AK5: variants seen among roughly 807,000 people sequenced by gnomAD.
The protein encoded by AK5 is adenylate kinase 5, also known as adenylate kinase isoenzyme 5.
A neutral mutation model predicts 69.5 loss-of-function variants in AK5; 27 were observed. The ratio of observed to expected loss-of-function variants is 0.39; its 90% CI spans 0.29 to 0.54. The LOEUF is 0.54. AK5 is among the 20% of genes least tolerant of loss of function. The probability of loss-of-function intolerance (pLI) is 0.71; values close to 1 mark genes in which losing one functional copy is unlikely to be tolerated. For synonymous variants in AK5, 260 were observed against 244.4 expected, an observed-to-expected ratio of 1.06 and a Z score of -0.60; for missense variants, 531 against 700.4, an observed-to-expected ratio of 0.76 and a Z score of 2.73.
intron 2 of AK5, among the ~76,000 whole-genome samples, chr1:77,291,424 A>G (rs543352480): frequency 4.8e-4 from 73 of 152,164 alleles, no homozygotes; most frequent in Non-Finnish European, 5.9e-5. Context: ...CCCTGCTCCA[A>G]TTCATTCTAA....
chr1:77,293,746 T>G (rs537405320), intron 2 of AK5, 47 bp from the exon 3 acceptor site: 1 of 1,504,466 alleles, frequency 6.6e-7, no homozygotes, highest in African/African-American at 1.4e-5. Flanking sequence ...GAAGAGTGTT[T>G]TATTATGGTG....
At chr1:77,295,265 T>C (rs1658927487) in intron 3 of AK5, among the ~76,000 whole-genome samples, 1 of 152,160 alleles carries the variant, frequency 6.6e-6, no homozygotes, top group Non-Finnish European at 1.5e-5. Flanking sequence ...TCAGAGGACA[T>C]AGCAATGTTG....
At chr1:77,396,153 A>G (rs1258207307) in intron 6 of AK5, among the ~76,000 whole-genome samples, 1 of 152,258 alleles carries the variant, frequency 6.6e-6, no homozygotes, top group Non-Finnish European at 1.5e-5. Flanking sequence ...TGGAAGAATA[A>G]GAAGAGTAAC....
chr1:77,493,040 G>A (rs1018891309), intron 10 of AK5, among the ~76,000 whole-genome samples: 1 of 152,218 alleles, frequency 6.6e-6, no homozygotes, highest in African/African-American at 2.4e-5. Flanking sequence ...CAGCTCATGA[G>A]CTAGGGGCAG....
At chr1:77,370,059 T>C (rs1647090985) in intron 6 of AK5, among the ~76,000 whole-genome samples, 1 of 152,176 alleles carries the variant, frequency 6.6e-6, no homozygotes. Context: ...GGGAGGAACT[T>C]TTCCCCGCAG....
chr1:77,415,914 T>C (rs1448014368), intron 7 of AK5, among the ~76,000 whole-genome samples: 1 of 152,204 alleles, frequency 6.6e-6, no homozygotes, highest in African/African-American at 2.4e-5. Flanking sequence ...CTCATTTTCC[T>C]CTTTTCTAAA....
At chr1:77,418,901 G>C (rs1054752477) in intron 8 of AK5, among the ~76,000 whole-genome samples, 1 of 152,168 alleles carries the variant, frequency 6.6e-6, no homozygotes, top group Non-Finnish European at 1.5e-5. Context: ...ATGTTGGCAA[G>C]TGCTATAATA....
chr1:77,465,559 T>C (rs1475647465), intron 8 of AK5, among the ~76,000 whole-genome samples: 1 of 152,186 alleles, frequency 6.6e-6, no homozygotes, highest in Non-Finnish European at 1.5e-5. Context: ...ATGCTAGAGT[T>C]GTTGTTCATG....
chr1:77,286,851 A>C (rs1658381278), intron 1 of AK5, 90 bp from the exon 2 acceptor site: 13 of 884,398 alleles, frequency 1.5e-5, no homozygotes, highest in Non-Finnish European at 1.8e-5. Context: ...TATTTCAAAA[A>C]AATTAATTAA....
chr1:77,369,725 C>A (rs1195288152), intron 6 of AK5, among the ~76,000 whole-genome samples: 1 of 152,030 alleles, frequency 6.6e-6, no homozygotes, highest in Non-Finnish European at 1.5e-5. Context: ...ATTAGAATTA[C>A]TTGTATTATA....
intron 6 of AK5, among the ~76,000 whole-genome samples, chr1:77,344,003 T>G (rs1269826923): frequency 6.6e-6 from 1 of 152,246 alleles, no homozygotes; most frequent in African/African-American, 2.4e-5. Context: ...TTTGACTCAG[T>G]GTCTTCTTTA....
chr1:77,379,880 G>C (rs970898107), intron 6 of AK5, among the ~76,000 whole-genome samples: 1 of 152,004 alleles, frequency 6.6e-6, no homozygotes. Flanking sequence ...TATACATTTC[G>C]TAAAGGTCTT....
chr1:77,415,781 G>A (rs1406035611), intron 7 of AK5, among the ~76,000 whole-genome samples: 3 of 152,180 alleles, frequency 2.0e-5, no homozygotes, highest in African/African-American at 7.2e-5. Context: ...CATTTCGATT[G>A]CCCTTGCTTA....
Position 77,287,113 on chromosome 1 carries a change from C to A in AK5, c.233C>A (p.Ser78Tyr). The A allele has an allele frequency of 1.3e-6, 2 of 1,562,672 alleles. No homozygotes were observed. Among genetic ancestry groups the A allele is most frequent in the Admixed American group, 1.9e-5 (1 of 53,210 alleles). The stretch of plus-strand genomic sequence containing the variant: ...CTAAATGGAGGACAGTCACGGAGAT[C>A]CTTTCTAAGAAATGGTAATGTATAT... ...PPLNGGQSRR[S>Y]FLRNVMPENS... is the part of the protein sequence containing the mutation. Residue 78 changes from serine (S) to tyrosine (Y), a missense_variant, in exon 2 of 14, where the codon TCC becomes TAC. Ser to Tyr is a moderately radical substitution (Grantham distance 144, BLOSUM62 -2). Transcript: ENST00000354567.
Position 77,306,499 on chromosome 1 carries a change from T to G in AK5, c.699+8552T>G, listed in dbSNP as rs568831882. Among the ~76,000 whole-genome samples the G allele has an allele frequency of 8.2e-3, 1,117 of 137,054 alleles. 10 individuals carry two copies. The highest frequency in any genetic ancestry group is 0.013 in the Non-Finnish European group (779 of 60,418). 89.9% of individuals were successfully genotyped at this position (137,054 alleles called of 152,430 possible). A position where few individuals can be genotyped will look rare whatever the true frequency, so the allele number is the denominator to read the frequency against. On this transcript the variant is annotated intron_variant, in intron 5 of 13. Transcript: ENST00000354567. ...AATTTGCTAGGTTTTTTTTTGTTTT[T>G]TTTTTTTTTTTTGAGGATTTTTGCA...
At chr1:77,401,774 C>A (rs367979699) in intron 6 of AK5, among the ~76,000 whole-genome samples, 10 of 152,322 alleles carry the variant, frequency 6.6e-5, no homozygotes, top group Middle Eastern at 6.8e-3. Flanking sequence ...GTGCATAATT[C>A]TCCTCCCTCT....
chr1:77,360,495 G>A (rs1037293932), intron 6 of AK5, among the ~76,000 whole-genome samples: 1 of 152,022 alleles, frequency 6.6e-6, no homozygotes, highest in African/African-American at 2.4e-5. Flanking sequence ...AGAGAAGTTA[G>A]GGGGGGTGGA....
At chr1:77,386,116 G>C (rs1378134200) in intron 6 of AK5, among the ~76,000 whole-genome samples, 1 of 152,116 alleles carries the variant, frequency 6.6e-6, no homozygotes, top group Non-Finnish European at 1.5e-5. Context: ...TAGTATAATA[G>C]TTGTGTTCCT....
At position 77,357,432 on chromosome 1, in the gene AK5, A is replaced by G. The variant is rs552908120; in HGVS notation, c.891+16864A>G. Among the ~76,000 whole-genome samples, 21 of 151,326 alleles carry G rather than the reference A, an allele frequency of 1.4e-4. No individual in the cohort carries two copies. The South Asian group carries it at 3.3e-3, about 24-fold the overall frequency. On this transcript the variant is annotated intron_variant, in intron 6 of 13. Coordinates refer to ENST00000354567, the MANE Select transcript of AK5 (RefSeq NM_174858.3). Reference sequence around the variant, plus strand: ...TATCACATGAGTGTTGAAATAAATTATATCTGTGGTTATTAGTGTAATCTA... The same window carrying G: ...TATCACATGAGTGTTGAAATAAATTGTATCTGTGGTTATTAGTGTAATCTA...
Sources: allele counts gnomAD v4.1 joint callset (sites outside exome capture counted in the v4.1 genomes callset), GRCh38; gene constraint gnomAD v4.1.1; transcripts MANE v1.5; gene names NCBI Gene and HGNC (gene_info 2026-07-23, HGNC 2026-07-21).